The following LRRK1 variants were observed in gnomAD, a reference collection of about 807,000 sequenced individuals.
The protein encoded by LRRK1 is leucine rich repeat kinase 1, also known as leucine-rich repeat serine/threonine-protein kinase 1.
Under a neutral mutation model 209.1 loss-of-function variants are expected in LRRK1, and 113 were observed. The ratio of observed to expected loss-of-function variants is 0.54; its 90% confidence interval spans 0.46 to 0.63. The LOEUF (loss-of-function observed/expected upper bound fraction) is 0.63. Among genes scored for constraint, LRRK1 ranks in the 30% least tolerant of loss-of-function variants. The pLI, the probability that LRRK1 is intolerant of heterozygous loss-of-function variation, is 0.00. For missense variants in LRRK1, 2,284 were observed against 2,632.2 expected (o/e 0.87, Z 2.89); for synonymous variants, 1,144 against 1,099.7 (o/e 1.04, Z -0.80).
Position 101,065,819 on chromosome 15 carries a change from G to A in LRRK1, c.5382G>A (p.Thr1794=), listed in dbSNP as rs772745974. The change falls in exon 32 of 34, where the codon ACG becomes ACA. Residue 1794 remains threonine (T), a synonymous_variant. Transcript: ENST00000388948. ...RDMFPVRPLD[T]EPPAASHTAN... is the part of the protein sequence containing the mutation. ...TGTTTCCCGTGCGGCCCTTGGACAC[G>A]GAACCCCCGGCAGCCAGCCACACGG... 9.9e-6 allele frequency: 16 copies of A among 1,613,998 alleles called. No individual in the cohort carries two copies. The highest frequency in any genetic ancestry group is 2.2e-5 in the East Asian group (1 of 44,876).
At chr15:100,938,619 C>G (rs953139806) in intron 2 of LRRK1, among the ~76,000 whole-genome samples, 2 of 151,966 alleles carry the variant, frequency 1.3e-5, no homozygotes, top group Admixed American at 1.3e-4. Context: ...CCTTCTCTCT[C>G]TTTCCAGATG....
At chr15:100,972,357 A>AGT (rs2030960926) in intron 2 of LRRK1, among the ~76,000 whole-genome samples, 4 of 95,972 alleles carry the variant, frequency 4.2e-5, no homozygotes, top group African/African-American at 1.6e-4. Context: ...AGAGAGAGAG[A>AGT]GAGAGAGTGT....
At position 101,045,966 on chromosome 15, in the gene LRRK1, C is replaced by G; in HGVS notation, c.2964-15C>G. The G allele has an allele frequency of 1.2e-6, 2 of 1,613,234 alleles. No individual in the cohort carries two copies. Among genetic ancestry groups the G allele is most frequent in the East Asian group, 2.2e-5 (1 of 44,886 alleles). ...TGGGCCCCACTGTTCACCAGTCCCC[C>G]TTGGTGTGTTTCAGCTACCTCCTGC... is the stretch of plus-strand genomic sequence containing the variant. On this transcript the variant is annotated splice_polypyrimidine_tract_variant and intron_variant, in intron 20 of 33. Transcript: ENST00000388948.
intron 2 of LRRK1, among the ~76,000 whole-genome samples, chr15:100,953,041 T>C (rs956207907): frequency 2.0e-5 from 3 of 152,252 alleles, no homozygotes; most frequent in Non-Finnish European, 2.9e-5. Flanking sequence ...AATGTGATTA[T>C]TTGATATACA....
At chr15:100,927,445 T>C (rs2042135171) in intron 2 of LRRK1, among the ~76,000 whole-genome samples, 1 of 152,184 alleles carries the variant, frequency 6.6e-6, no homozygotes, top group Non-Finnish European at 1.5e-5. Flanking sequence ...CAGGAATCCC[T>C]GCTATCCCTG....
chr15:101,024,721 G>C lies in LRRK1; in HGVS notation c.2068-82G>C. ...TTCAGACCCCCGAGTCCAGCCTCCA[G>C]AGTTATCCGTTGTCTCCGTTTGATT... On this transcript the variant is annotated intron_variant, in intron 15 of 33. Coordinates refer to ENST00000388948, the MANE Select transcript of LRRK1 (RefSeq NM_024652.6). This position sits in a 1 kb window ranked among gnomAD's most constrained non-coding sequence, Gnocchi z 4.6. The C allele has an allele frequency of 6.9e-7, 1 of 1,450,950 alleles. No individual in the cohort carries two copies. The highest frequency in any genetic ancestry group is 9.5e-7 in the Non-Finnish European group (1 of 1,054,624). 89.9% of individuals were successfully genotyped at this position (1,450,950 alleles called of 1,614,324 possible).
At position 101,015,178 on chromosome 15, in the gene LRRK1, C is replaced by T. The variant is rs193074096; in HGVS notation, c.1533-148C>T. On this transcript the variant is annotated intron_variant, in intron 11 of 33. Coordinates refer to ENST00000388948, the MANE Select transcript of LRRK1 (RefSeq NM_024652.6). ...GGGTGGGGGCAGTGAAAAAGGCAGC[C>T]GCCACTGCAGCGTGCGCCCCTGCCA... 218 of 598,870 alleles carry T rather than the reference C, an allele frequency of 3.6e-4. 1 individual carries two copies. In the East Asian group the frequency reaches 6.1e-3, roughly 17 times the overall value. The allele number at this position is 598,870 out of a possible 1,614,324, so 37.1% of individuals were successfully genotyped here. A position where few individuals can be genotyped will look rare whatever the true frequency, so the allele number is the denominator to read the frequency against.
intron 2 of LRRK1, among the ~76,000 whole-genome samples, chr15:100,957,991 G>C (rs915511145): frequency 6.6e-5 from 10 of 152,102 alleles, no homozygotes; most frequent in Non-Finnish European, 2.9e-5. Context: ...TCAGCCTCCT[G>C]AGTAGCTGGG....
chr15:101,045,466 C>G (rs1051769561), intron 20 of LRRK1, among the ~76,000 whole-genome samples: 2 of 152,252 alleles, frequency 1.3e-5, no homozygotes, highest in Non-Finnish European at 2.9e-5. Flanking sequence ...CCGCACAAAA[C>G]AGGCCTATTC....
intron 29 of LRRK1, among the ~76,000 whole-genome samples, chr15:101,058,905 G>A (rs1158715753): frequency 2.6e-5 from 4 of 152,200 alleles, no homozygotes; most frequent in Non-Finnish European, 4.4e-5. Flanking sequence ...CGGTAGTAAA[G>A]ACGGCATCTG....
chr15:101,019,328 T>G (rs1391328413), intron 12 of LRRK1, among the ~76,000 whole-genome samples: 2 of 152,300 alleles, frequency 1.3e-5, no homozygotes, highest in Admixed American at 1.3e-4. Flanking sequence ...CGTTCTTTCA[T>G]GAAAATGTGA....
Position 101,027,760 on chromosome 15 carries a change from C to G in LRRK1, c.2649C>G (p.Pro883=). 2 of 1,601,164 alleles carry G rather than the reference C, an allele frequency of 1.2e-6. No homozygotes were observed. Among genetic ancestry groups the G allele is most frequent in the Admixed American group, 1.7e-5 (1 of 57,698 alleles). ...RQLEQLVEQT[P]DNDIKDYEDL... ...TGGAGCAGCTGGTGGAGCAGACGCC[C>G]GACAACGACATCAAGGACTACGAGG... is the stretch of plus-strand genomic sequence containing the variant. The change falls in exon 19 of 34, where the codon CCC becomes CCG. Residue 883 remains proline, a synonymous_variant. Coordinates refer to ENST00000388948, the MANE Select transcript of LRRK1 (RefSeq NM_024652.6). This position sits in a 1 kb window ranked among gnomAD's most constrained non-coding sequence, Gnocchi z 5.1.
intron 2 of LRRK1, among the ~76,000 whole-genome samples, chr15:100,949,295 A>G (rs2042600171): frequency 6.6e-6 from 1 of 152,218 alleles, no homozygotes; most frequent in Non-Finnish European, 1.5e-5. Flanking sequence ...AAAGTCCTAG[A>G]AAGACACAAA....
In LRRK1 at chr15:101,068,933, A is replaced by C; in HGVS notation, c.*85A>C. ...CTCTGCCATCGGCCTCTAGTTCTCC[A>C]AGGACCTAGAAGACAGATGGAGTTC... On this transcript the variant is annotated 3_prime_UTR_variant, in exon 34 of 34. Transcript: ENST00000388948. 1 of 1,300,236 alleles carries C rather than the reference A, an allele frequency of 7.7e-7. No homozygotes were observed. Among genetic ancestry groups the C allele is most frequent in the Non-Finnish European group, 1.0e-6 (1 of 954,536 alleles). 80.5% of individuals were successfully genotyped at this position (1,300,236 alleles called of 1,614,324 possible).
intron 2 of LRRK1, among the ~76,000 whole-genome samples, chr15:100,945,482 CTTTTTTTTTTTTTT>C (rs34038990): frequency 1.1e-3 from 69 of 63,612 alleles, no homozygotes; most frequent in African/African-American, 4.0e-3. Flanking sequence ...TGCAGAGCCT[CTTTTTTTTTTTTTT>C]TTTTTTTTTT....
intron 23 of LRRK1, 115 bp from the exon 24 acceptor site, chr15:101,051,596 G>A (rs2035441939): frequency 1.5e-6 from 2 of 1,369,516 alleles, no homozygotes; most frequent in Non-Finnish European, 2.0e-6. Context: ...GTACAGGCCA[G>A]GACAGGCAGC....
intron 16 of LRRK1, among the ~76,000 whole-genome samples, 191 bp downstream of exon 16, chr15:101,025,158 T>C (rs2033967460): frequency 1.3e-5 from 2 of 152,200 alleles, no homozygotes; most frequent in Non-Finnish European, 2.9e-5. Flanking sequence ...GCTGGTGATG[T>C]AATTTCCCCG....
chr15:100,929,032 G>A (rs8033230), intron 2 of LRRK1, among the ~76,000 whole-genome samples: 50,019 of 152,052 alleles, frequency 0.33, 10,152 homozygotes, highest in African/African-American at 0.57. Context: ...TCAATGAGAT[G>A]CTGGGCATGG....
intron 33 of LRRK1, chr15:101,067,190 TC>T: frequency 4.4e-6 from 2 of 450,812 alleles, no homozygotes; most frequent in Non-Finnish European, 8.9e-6. Context: ...CTCCTGCCCT[TC>T]CTGGGCTGAG....
Sources: allele counts gnomAD v4.1 joint callset (sites outside exome capture counted in the v4.1 genomes callset), GRCh38; gene constraint gnomAD v4.1.1; non-coding constraint Gnocchi (gnomAD v3.1); transcripts MANE v1.5; gene names NCBI Gene and HGNC (gene_info 2026-07-23, HGNC 2026-07-21).